Variants in CUBN observed in about 807,000 individuals in gnomAD.
CUBN encodes cubilin, also known as 460 kDa receptor.
CUBN carries 282 observed loss-of-function variants against 405.3 expected under a neutral mutation model. The observed-to-expected ratio is 0.70, with a 90% CI of 0.63 to 0.77. CUBN has a LOEUF of 0.77. Among genes scored for constraint, CUBN ranks in the 30% least tolerant of loss-of-function variants. CUBN has a pLI of 0.00. For synonymous variants in CUBN, 1,684 were observed against 1,617.0 expected (o/e 1.04, Z -0.99); for missense variants, 4,514 against 4,475.2 (o/e 1.01, Z -0.25).
intron 28 of CUBN, among the ~76,000 whole-genome samples, chr10:16,999,440 C>A (rs1833821016): frequency 6.6e-6 from 1 of 152,174 alleles, no homozygotes; most frequent in East Asian, 1.9e-4. Context: ...TAATTTCAAT[C>A]AAATTAAAAA....
intron 28 of CUBN, among the ~76,000 whole-genome samples, chr10:16,992,861 T>C (rs1389943651): frequency 6.6e-6 from 1 of 152,204 alleles, no homozygotes; most frequent in Non-Finnish European, 1.5e-5. Flanking sequence ...GAGACTATGA[T>C]GAATCTTAAA....
chr10:16,984,723 G>A lies in CUBN; in HGVS notation c.4351-444C>T, dbSNP rs193230753. Among the ~76,000 whole-genome samples the A allele has an allele frequency of 3.4e-4, 52 of 152,266 alleles. 1 individual carries two copies. The East Asian group carries it at 9.8e-3, about 29-fold the overall frequency. ...ACTCTGGCACATATGATTAGTCTTA[G>A]CATAAAGCCATTTTGTTATGAAAGT... On this transcript the variant is annotated intron_variant, in intron 29 of 66. Transcript: ENST00000377833.
At position 16,925,777 on chromosome 10, in the gene CUBN, TC is replaced by T. The variant is rs761637134; in HGVS notation, c.6272-4del. 2 of 1,613,636 alleles carry T rather than the reference TC, an allele frequency of 1.2e-6. No individual in the cohort carries two copies. The highest frequency in any genetic ancestry group is 8.5e-7 in the Non-Finnish European group (1 of 1,179,752). ...TGCATGCAAATATCCACCGCAGCCT[TC>T]CCACAAAGAAACAAAGGTCGGTTAT... On this transcript the variant is annotated splice_region_variant and splice_polypyrimidine_tract_variant and intron_variant, in intron 41 of 66. Coordinates refer to ENST00000377833, the MANE Select transcript of CUBN (RefSeq NM_001081.4).
At chr10:17,123,381 C>G (rs969434148) in intron 5 of CUBN, 11 of 612,568 alleles carry the variant, frequency 1.8e-5, no homozygotes, top group South Asian at 7.9e-5. Flanking sequence ...AAGTGAACCT[C>G]TCCTTTCAAT....
At position 17,068,209 on chromosome 10, in the gene CUBN, C is replaced by CGT. The variant is rs1564501902; in HGVS notation, c.2861_2862dup (p.Gly955ThrfsTer10). Reference sequence around the variant, plus strand: ...AATATATGCCAAGTACAGTTGATACCGTGGGGGTAGACATTTGGATGGCCA... The same window carrying CGT: ...AATATATGCCAAGTACAGTTGATACCGTGTGGGGGTAGACATTTGGATGGCCA... On this transcript the variant is annotated frameshift_variant, in exon 21 of 67. Coordinates refer to ENST00000377833, the MANE Select transcript of CUBN (RefSeq NM_001081.4). LOFTEE classifies it high-confidence loss of function. 1 of 1,613,606 alleles carries CGT rather than the reference C, an allele frequency of 6.2e-7. No homozygotes were observed. The highest frequency in any genetic ancestry group is 8.5e-7 in the Non-Finnish European group (1 of 1,179,674).
intron 53 of CUBN, among the ~76,000 whole-genome samples, chr10:16,900,371 CA>C (rs1391115569): frequency 6.6e-6 from 1 of 152,214 alleles, no homozygotes; most frequent in Non-Finnish European, 1.5e-5. Flanking sequence ...TGCCTTTATT[CA>C]AATCCCGACT....
rs749696007 is a variant in CUBN at position 16,828,878 on chromosome 10, C to T, written c.10691G>A (p.Cys3564Tyr). The change falls in exon 66 of 67, where the codon TGT becomes TAT. Residue 3564 changes from cysteine (C) to tyrosine (Y), a missense_variant. Physicochemically the swap from Cys to Tyr is radical, Grantham distance 194. Around this residue, in one of 5 missense-constraint regions of CUBN, gnomAD observed 1,186 missense variants for 1,186.9 expected, o/e 1.00. Coordinates refer to ENST00000377833, the MANE Select transcript of CUBN (RefSeq NM_001081.4). ...YFISIDDPGD[C>Y]VQNYLTLYDG... is the part of the protein sequence containing the mutation. The stretch of plus-strand genomic sequence containing the variant: ...ATAGAGTGTGAGATAGTTCTGGACA[C>T]AGTCTCCTGGATCGTCAATGCTGAT... 4 of 1,614,098 alleles carry T rather than the reference C, an allele frequency of 2.5e-6. No homozygotes were observed. Among genetic ancestry groups the T allele is most frequent in the Admixed American group, 3.3e-5 (2 of 60,012 alleles).
intron 45 of CUBN, 94 bp downstream of exon 45, chr10:16,918,506 AGTACCTGGCTGATGAAATAATC>A (rs1564423287): frequency 1.3e-6 from 1 of 767,018 alleles, no homozygotes; most frequent in African/African-American, 1.7e-5. Flanking sequence ...TACTAGGCAT[AGTACCTGGCTGATGAAATAATC>A]TCTACAACAA....
At chr10:17,026,704 G>T (rs1194176553) in intron 27 of CUBN, among the ~76,000 whole-genome samples, 1 of 152,064 alleles carries the variant, frequency 6.6e-6, no homozygotes, top group Non-Finnish European at 1.5e-5. Flanking sequence ...GATAAGCAAA[G>T]CCCAAGGGGG....
intron 31 of CUBN, among the ~76,000 whole-genome samples, chr10:16,959,907 T>C (rs1387250615): frequency 2.6e-5 from 4 of 152,316 alleles, no homozygotes; most frequent in African/African-American, 9.6e-5. Context: ...TCAGCATTGA[T>C]TTTCTGATCG....
At chr10:16,953,806 G>T (rs988531040) in intron 32 of CUBN, among the ~76,000 whole-genome samples, 1 of 151,850 alleles carries the variant, frequency 6.6e-6, no homozygotes, top group Non-Finnish European at 1.5e-5. Context: ...AGCCGTGATT[G>T]CACCACTGCA....
chr10:16,956,368 G>A (rs2131637437), intron 31 of CUBN, among the ~76,000 whole-genome samples: 1 of 151,270 alleles, frequency 6.6e-6, no homozygotes, highest in African/African-American at 2.4e-5. Context: ...CCTGATGACT[G>A]ATTTTCATTC....
At chr10:16,849,384 C>G (rs1839612373) in intron 60 of CUBN, among the ~76,000 whole-genome samples, 1 of 152,094 alleles carries the variant, frequency 6.6e-6, no homozygotes, top group African/African-American at 2.4e-5. Flanking sequence ...CTGACTCCCT[C>G]TAAGAAAGCA....
At chr10:17,094,488 T>C (rs1367774829) in intron 14 of CUBN, among the ~76,000 whole-genome samples, 2 of 152,074 alleles carry the variant, frequency 1.3e-5, no homozygotes, top group African/African-American at 2.4e-5. Flanking sequence ...TGATCTTTCA[T>C]ACATAGAATA....
chr10:16,840,204 C>T (rs1839299617), intron 62 of CUBN, 126 bp downstream of exon 62: 1 of 800,196 alleles, frequency 1.2e-6, no homozygotes, highest in Non-Finnish European at 2.1e-6. Flanking sequence ...GCGCATGTAC[C>T]CTAAAACTTA....
chr10:16,864,349 C>T (rs1409622219), intron 59 of CUBN, among the ~76,000 whole-genome samples: 1 of 152,132 alleles, frequency 6.6e-6, no homozygotes, highest in African/African-American at 2.4e-5. Context: ...GATCCCTGCC[C>T]ACCCCACCCT....
intron 30 of CUBN, 56 bp from the exon 31 acceptor site, chr10:16,982,709 A>G (rs1425001059): frequency 1.4e-6 from 2 of 1,463,152 alleles, no homozygotes; most frequent in Non-Finnish European, 1.9e-6. Flanking sequence ...CTCGAAAATA[A>G]TCCATTACCT....
intron 23 of CUBN, among the ~76,000 whole-genome samples, chr10:17,047,103 G>T (rs1835153465): frequency 6.6e-6 from 1 of 152,100 alleles, no homozygotes; most frequent in Non-Finnish European, 1.5e-5. Flanking sequence ...ATTAAAGTAG[G>T]TATTCAACAG....
At chr10:17,119,074 T>G (rs1274721621) in intron 6 of CUBN, among the ~76,000 whole-genome samples, 3 of 152,204 alleles carry the variant, frequency 2.0e-5, no homozygotes, top group African/African-American at 4.8e-5. Flanking sequence ...AGTCCATGGT[T>G]CAATACTAAT....
Sources: gnomAD v4.1 joint callset for allele counts (sites outside exome capture counted in the v4.1 genomes callset) on GRCh38, gnomAD v4.1.1 for gene constraint, gnomAD v4.1.1 regional missense constraint, MANE v1.5 for transcripts, NCBI Gene and HGNC (gene_info 2026-07-23, HGNC 2026-07-21) for gene names.